ACSL1: variants seen among roughly 807,000 people sequenced by gnomAD.
ACSL1 encodes long-chain-fatty-acid--CoA ligase 1.
ACSL1 carries 41 observed loss-of-function variants against 98.4 expected under a neutral mutation model. That is an observed-to-expected ratio of 0.42 (90% CI 0.32 to 0.54). The LOEUF (loss-of-function observed/expected upper bound fraction) is 0.54. ACSL1 is among the 20% of genes least tolerant of loss of function. The pLI is 0.13. For missense variants in ACSL1, 734 were observed against 883.1 expected (o/e 0.83, Z 2.14); for synonymous variants, 316 against 322.7 (o/e 0.98, Z 0.22).
At chr4:184,821,801 A>G (rs1318986215) in intron 1 of ACSL1, among the ~76,000 whole-genome samples, 1 of 152,264 alleles carries the variant, frequency 6.6e-6, no homozygotes, top group Non-Finnish European at 1.5e-5. Context: ...AAAAAAGCCC[A>G]CAATATAACT....
chr4:184,823,666 C>T (rs1554336), intron 1 of ACSL1, among the ~76,000 whole-genome samples: 28,582 of 152,160 alleles, frequency 0.19, 3,455 homozygotes, highest in East Asian at 0.52. Context: ...AAGACCTAGA[C>T]ATTAAGCATG....
intron 11 of ACSL1, among the ~76,000 whole-genome samples, chr4:184,768,818 C>T (rs984160590): frequency 1.3e-5 from 2 of 151,946 alleles, no homozygotes; most frequent in African/African-American, 4.8e-5. Flanking sequence ...ACCTATAATC[C>T]CAGCACTTTG....
In ACSL1 at chr4:184,803,647, G is replaced by A. The variant is rs975125532; in HGVS notation, c.-32-101C>T. The A allele has an allele frequency of 4.7e-5, 32 of 678,066 alleles. No homozygotes were observed. Among genetic ancestry groups the A allele is most frequent in the African/African-American group, 3.3e-4 (18 of 54,214 alleles). 42.0% of individuals were successfully genotyped at this position (678,066 alleles called of 1,614,324 possible). The stretch of plus-strand genomic sequence containing the variant: ...CAGCCATCTAATTGGGTAGCTGCTC[G>A]GCCAGTCCAGGCATTAAACCCACAA... On this transcript the variant is annotated intron_variant, in intron 1 of 20. Coordinates refer to ENST00000281455, the MANE Select transcript of ACSL1 (RefSeq NM_001995.5). The surrounding 1 kb of genome is among the most constrained non-coding windows in gnomAD (Gnocchi z 4.8).
intron 2 of ACSL1, among the ~76,000 whole-genome samples, chr4:184,791,968 A>G (rs148050549): frequency 2.0e-5 from 3 of 152,352 alleles, no homozygotes; most frequent in Non-Finnish European, 4.4e-5. Context: ...ACCTTGGTCA[A>G]TGTCCCAAAT....
In ACSL1 at chr4:184,765,099, C is replaced by T. The variant is rs573759448; in HGVS notation, c.1360-174G>A. Among the ~76,000 whole-genome samples the T allele has an allele frequency of 4.5e-4, 68 of 152,298 alleles. 1 individual carries two copies. Among genetic ancestry groups the T allele is most frequent in the Non-Finnish European group, 4.9e-4 (33 of 68,028 alleles). ...TGGTCCAGTGTGCTTTACGCCAACA[C>T]CAGCCGTCACCCAGGTACACCTTCT... On this transcript the variant is annotated intron_variant, in intron 14 of 20. Transcript: ENST00000281455.
intron 1 of ACSL1, among the ~76,000 whole-genome samples, chr4:184,821,938 T>C (rs1419466127): frequency 6.6e-6 from 1 of 152,276 alleles, no homozygotes; most frequent in Non-Finnish European, 1.5e-5. Flanking sequence ...ATTTAATCTC[T>C]GGAAGAGCTT....
At chr4:184,776,074 T>G (rs758069994) in intron 7 of ACSL1, among the ~76,000 whole-genome samples, 1 of 152,196 alleles carries the variant, frequency 6.6e-6, no homozygotes, top group Non-Finnish European at 1.5e-5. Context: ...CCACGAGCCA[T>G]CCAGGGAAAA....
intron 5 of ACSL1, among the ~76,000 whole-genome samples, chr4:184,779,073 T>G (rs1219443791): frequency 1.3e-5 from 2 of 152,340 alleles, no homozygotes; most frequent in East Asian, 3.8e-4. Context: ...TCTACTAATC[T>G]ATTGAGTCAT....
In ACSL1 at chr4:184,773,650, T is replaced by C. The variant is rs1363693739; in HGVS notation, c.841+13A>G. ...GCTGCCATATGTAGAAGCAATTCTATCTCAAAACTCACCTGTAGTTCCACT... is the reference window on the plus strand; with the variant it reads ...GCTGCCATATGTAGAAGCAATTCTACCTCAAAACTCACCTGTAGTTCCACT... On this transcript the variant is annotated intron_variant, in intron 9 of 20. Coordinates refer to ENST00000281455, the MANE Select transcript of ACSL1 (RefSeq NM_001995.5). The surrounding 1 kb of genome is among the most constrained non-coding windows in gnomAD (Gnocchi z 4.3). 6.2e-7 allele frequency: 1 copy of C among 1,610,134 alleles called. No individual in the cohort carries two copies. The highest frequency in any genetic ancestry group is 8.5e-7 in the Non-Finnish European group (1 of 1,178,700).
At chr4:184,823,543 G>A (rs1415903084) in intron 1 of ACSL1, among the ~76,000 whole-genome samples, 1 of 152,174 alleles carries the variant, frequency 6.6e-6, no homozygotes, top group Non-Finnish European at 1.5e-5. Flanking sequence ...AAACTGGAAG[G>A]GAGAGAGGAG....
intron 17 of ACSL1, among the ~76,000 whole-genome samples, chr4:184,761,897 CGGGT>C (rs1218561771): frequency 2.6e-5 from 4 of 152,048 alleles, no homozygotes; most frequent in Non-Finnish European, 5.9e-5. Context: ...GAGGCTGAGG[CGGGT>C]GGATCACCTG....
chr4:184,803,210 T>C lies in ACSL1; in HGVS notation c.195+110A>G. 2 of 1,111,638 alleles carry C rather than the reference T, an allele frequency of 1.8e-6. No homozygotes were observed. The allele number at this position is 1,111,638 out of a possible 1,614,324, so 68.9% of individuals were successfully genotyped here. A position where few individuals can be genotyped will look rare whatever the true frequency, so the allele number is the denominator to read the frequency against. ...ATTTGGCACATTTCCATTTACAAAG[T>C]GCAGTTATAAACAAATATTTGATCT... On this transcript the variant is annotated intron_variant, in intron 2 of 20. Coordinates refer to ENST00000281455, the MANE Select transcript of ACSL1 (RefSeq NM_001995.5). This position sits in a 1 kb window ranked among gnomAD's most constrained non-coding sequence, Gnocchi z 4.8.
chr4:184,779,627 C>T (rs1176147535), intron 5 of ACSL1, among the ~76,000 whole-genome samples: 2 of 152,056 alleles, frequency 1.3e-5, no homozygotes, highest in Non-Finnish European at 2.9e-5. Flanking sequence ...AAGCCTCATA[C>T]CTTTCAGAAA....
chr4:184,809,636 CA>C (rs72117271), intron 1 of ACSL1, among the ~76,000 whole-genome samples: 2 of 148,636 alleles, frequency 1.3e-5, no homozygotes. Context: ...ACTAAAAATA[CA>C]AAAAAAAAAT....
chr4:184,818,410 C>G (rs769531471), intron 1 of ACSL1, among the ~76,000 whole-genome samples: 3 of 152,166 alleles, frequency 2.0e-5, no homozygotes, highest in Non-Finnish European at 4.4e-5. Context: ...AGATGTACTC[C>G]GAAACACAAA....
At chr4:184,789,416 AT>A (rs1245011270) in intron 2 of ACSL1, among the ~76,000 whole-genome samples, 3 of 152,216 alleles carry the variant, frequency 2.0e-5, no homozygotes, top group African/African-American at 7.2e-5. Context: ...TACTTCTAAA[AT>A]GTTACCTATA....
intron 2 of ACSL1, among the ~76,000 whole-genome samples, chr4:184,793,731 G>A (rs1425141134): frequency 6.6e-6 from 1 of 152,188 alleles, no homozygotes; most frequent in Admixed American, 6.5e-5. Flanking sequence ...TAAAGAGACT[G>A]CCAAAGACGT....
rs1579980072 is a variant in ACSL1, at chr4:184,825,891, G to A, written c.-33+25C>T. On this transcript the variant is annotated intron_variant, in intron 1 of 20. Transcript: ENST00000281455. The surrounding 1 kb of genome is among the most constrained non-coding windows in gnomAD (Gnocchi z 4.7). ...CGGGCACCGCCGCGGGAGCAGGCGC[G>A]GCTCCGCACGGCGGGCGCACTCACC... 6.7e-6 allele frequency: 1 copy of A among 148,486 alleles called. No individual in the cohort carries two copies. The highest frequency in any genetic ancestry group is 2.4e-5 in the African/African-American group (1 of 41,082). 9.2% of individuals were successfully genotyped at this position (148,486 alleles called of 1,614,324 possible).
At chr4:184,821,967 A>T (rs1773099248) in intron 1 of ACSL1, among the ~76,000 whole-genome samples, 1 of 152,238 alleles carries the variant, frequency 6.6e-6, no homozygotes, top group Admixed American at 6.5e-5. Context: ...CTATTTCCCA[A>T]ATTTTCTCCA....
Sources: allele counts gnomAD v4.1 joint callset (sites outside exome capture counted in the v4.1 genomes callset), GRCh38; gene constraint gnomAD v4.1.1; non-coding constraint Gnocchi (gnomAD v3.1); transcripts MANE v1.5; gene names NCBI Gene and HGNC (gene_info 2026-07-23, HGNC 2026-07-21).